Variants in VOPP1 observed in about 807,000 individuals in gnomAD.
VOPP1 encodes the protein WW domain binding protein VOPP1.
In VOPP1, 8 loss-of-function variants were observed where a neutral mutation model predicts 23.5. The observed-to-expected ratio is 0.34, with a 90% CI of 0.20 to 0.61. The LOEUF (loss-of-function observed/expected upper bound fraction) is 0.61, where lower values mean the gene tolerates loss of function less well. VOPP1 is among the 20% of genes least tolerant of loss of function. VOPP1 has a pLI of 0.78. For missense variants in VOPP1, 174 were observed against 238.1 expected (o/e 0.73, Z 1.77); for synonymous variants, 83 against 97.3 (o/e 0.85, Z 0.86).
intron 2 of VOPP1, among the ~76,000 whole-genome samples, chr7:55,507,413 G>T (rs1002423634): frequency 1.3e-5 from 2 of 151,972 alleles, no homozygotes; most frequent in Non-Finnish European, 2.9e-5. Flanking sequence ...TTCTGAGCAG[G>T]TATATTTTTT....
chr7:55,529,994 T>G (rs1796408589), intron 1 of VOPP1, among the ~76,000 whole-genome samples: 1 of 152,198 alleles, frequency 6.6e-6, no homozygotes, highest in Non-Finnish European at 1.5e-5. Context: ...ATTTTGGCTG[T>G]TATCAATAAT....
intron 1 of VOPP1, among the ~76,000 whole-genome samples, chr7:55,538,195 A>C (rs1248346408): frequency 6.6e-6 from 1 of 152,186 alleles, no homozygotes; most frequent in Non-Finnish European, 1.5e-5. Flanking sequence ...AGTATTGCAA[A>C]GTCAGTCTAT....
chr7:55,556,769 G>A (rs1027336105), intron 1 of VOPP1, among the ~76,000 whole-genome samples: 1 of 151,964 alleles, frequency 6.6e-6, no homozygotes, highest in Non-Finnish European at 1.5e-5. Context: ...TTGACTAAAG[G>A]GAAACCATGT....
In VOPP1 at chr7:55,489,310, C is replaced by T. The variant is rs199822839; in HGVS notation, c.328+2972G>A. Among the ~76,000 whole-genome samples, 111 of 152,302 alleles carry T rather than the reference C, an allele frequency of 7.3e-4. 2 individuals are homozygous for T. The East Asian group carries it at 9.3e-3, about 13-fold the overall frequency. ...CCTGCAAGAAGTATAAAATGAAAAA[C>T]GGATGGCAAACCAAGTCTACATTTT... On this transcript the variant is annotated intron_variant, in intron 4 of 4. Coordinates refer to ENST00000285279, the MANE Select transcript of VOPP1 (RefSeq NM_030796.5).
At chr7:55,552,971 C>T (rs186946604) in intron 1 of VOPP1, 5 of 470,000 alleles carry the variant, frequency 1.1e-5, no homozygotes, top group East Asian at 1.2e-4. Context: ...GACATGCAAC[C>T]GAAATCTGTC....
chr7:55,551,454 C>T (rs1290809997), intron 1 of VOPP1, among the ~76,000 whole-genome samples: 1 of 152,192 alleles, frequency 6.6e-6, no homozygotes, highest in African/African-American at 2.4e-5. Flanking sequence ...CCAAAGCATG[C>T]CTCGAAAGTC....
intron 4 of VOPP1, among the ~76,000 whole-genome samples, chr7:55,474,519 A>G (rs1792088000): frequency 6.6e-6 from 1 of 152,224 alleles, no homozygotes; most frequent in Non-Finnish European, 1.5e-5. Flanking sequence ...TGGGGAGCGC[A>G]CAGCGTGGGA....
chr7:55,529,017 A>G (rs746970732), intron 1 of VOPP1, among the ~76,000 whole-genome samples: 2 of 152,226 alleles, frequency 1.3e-5, no homozygotes, highest in Non-Finnish European at 2.9e-5. Flanking sequence ...TCTTTTTAAA[A>G]TATCTCCCTA....
downstream of VOPP1, among the ~76,000 whole-genome samples, chr7:55,465,845 G>A (rs1006451215): frequency 6.6e-6 from 1 of 152,084 alleles, no homozygotes; most frequent in Non-Finnish European, 1.5e-5. Context: ...AGGTCCACAG[G>A]GACTCTCTCA....
At chr7:55,560,955 G>A (rs902973230) in intron 1 of VOPP1, among the ~76,000 whole-genome samples, 3 of 152,070 alleles carry the variant, frequency 2.0e-5, no homozygotes, top group Non-Finnish European at 2.9e-5. Context: ...GCCATCCCGC[G>A]TCAATCCCCA....
At chr7:55,540,233 G>A (rs1024959638) in intron 1 of VOPP1, among the ~76,000 whole-genome samples, 7 of 151,654 alleles carry the variant, frequency 4.6e-5, no homozygotes, top group East Asian at 1.9e-4. Flanking sequence ...CCCTGTCTCC[G>A]CTAAAAATAC....
chr7:55,466,664 A>T (rs1791639489), downstream of VOPP1, among the ~76,000 whole-genome samples: 1 of 152,008 alleles, frequency 6.6e-6, no homozygotes. Context: ...TTTTAATTTA[A>T]TTTTTTAAAA....
chr7:55,549,027 A>G (rs1003874428), intron 1 of VOPP1, among the ~76,000 whole-genome samples: 7 of 152,152 alleles, frequency 4.6e-5, no homozygotes, highest in African/African-American at 1.7e-4. Flanking sequence ...TGAGGCATGG[A>G]AGTTGGGAGA....
At chr7:55,448,290 G>GT (rs2129000933) in intron 4 of VOPP1, among the ~76,000 whole-genome samples, 1 of 151,170 alleles carries the variant, frequency 6.6e-6, no homozygotes, top group East Asian at 2.0e-4. Context: ...TTGGAGAAAT[G>GT]TATCAATATC....
chr7:55,475,879 A>T (rs1415514684), intron 4 of VOPP1, among the ~76,000 whole-genome samples: 1 of 152,116 alleles, frequency 6.6e-6, no homozygotes, highest in Non-Finnish European at 1.5e-5. Context: ...TGGGATGGGG[A>T]TTGGGTGGGA....
chr7:55,569,636 G>A (rs985870175), intron 1 of VOPP1, among the ~76,000 whole-genome samples: 9 of 152,146 alleles, frequency 5.9e-5, no homozygotes, highest in Admixed American at 1.3e-4. Flanking sequence ...ATGAGATAAC[G>A]TGTAACATTT....
At chr7:55,566,047 C>T (rs1001288609) in intron 1 of VOPP1, among the ~76,000 whole-genome samples, 1 of 152,192 alleles carries the variant, frequency 6.6e-6, no homozygotes, top group Admixed American at 6.5e-5. Context: ...CCCTGCAGAC[C>T]TCACAAAGGT....
chr7:55,462,042 TCA>T (rs1395382378), intron 4 of VOPP1, among the ~76,000 whole-genome samples: 1 of 152,336 alleles, frequency 6.6e-6, no homozygotes, highest in Non-Finnish European at 1.5e-5. Context: ...ATGAATGCCC[TCA>T]GTTTTTGCTT....
chr7:55,508,951 G>C (rs887719247), intron 2 of VOPP1, among the ~76,000 whole-genome samples: 10 of 152,216 alleles, frequency 6.6e-5, no homozygotes, highest in Non-Finnish European at 1.0e-4. Context: ...GCTGAGGTGA[G>C]AGGATCGCTT....
Sources: gnomAD v4.1 joint callset for allele counts (sites outside exome capture counted in the v4.1 genomes callset) on GRCh38, gnomAD v4.1.1 for gene constraint, MANE v1.5 for transcripts, NCBI Gene and HGNC (gene_info 2026-07-23, HGNC 2026-07-21) for gene names.